MAPRE2: variants seen among roughly 807,000 people sequenced by gnomAD.
MAPRE2 encodes the protein microtubule-associated protein RP/EB family member 2.
MAPRE2 carries 13 observed loss-of-function variants against 43.2 expected under a neutral mutation model. The observed-to-expected ratio is 0.30, with a 90% CI of 0.20 to 0.48. MAPRE2 has a LOEUF of 0.48. MAPRE2 is among the 20% of genes least tolerant of loss of function. The pLI, the probability that MAPRE2 is intolerant of heterozygous loss-of-function variation, is 0.99. For synonymous variants in MAPRE2, 135 were observed against 148.8 expected (o/e 0.91, Z 0.68); for missense variants, 161 against 400.2 (o/e 0.40, Z 5.10).
At chr18:35,138,226 A>C (rs541593990) in intron 6 of MAPRE2, among the ~76,000 whole-genome samples, 3 of 152,256 alleles carry the variant, frequency 2.0e-5, no homozygotes, top group Middle Eastern at 3.4e-3. Flanking sequence ...TAAAGAGGGG[A>C]TCAGGGCTCT....
chr18:35,141,450 G>A lies in MAPRE2; in HGVS notation c.*1081G>A, dbSNP rs1910632255. ...GGTTCTGCAGTCTGGTGTAGACACT[G>A]GAATAACAGCACAGAAAAATCTATG... On this transcript the variant is annotated 3_prime_UTR_variant, in exon 7 of 7. Transcript: ENST00000300249. 11 of 152,126 alleles carry A rather than the reference G, an allele frequency of 7.2e-5. No individual in the cohort carries two copies. Among genetic ancestry groups the A allele is most frequent in the Admixed American group, 7.2e-4 (11 of 15,276 alleles). The allele number at this position is 152,126 out of a possible 1,614,324, so 9.4% of individuals were successfully genotyped here. A position where few individuals can be genotyped will look rare whatever the true frequency, so the allele number is the denominator to read the frequency against.
At chr18:35,115,213 C>T (rs1475859263) in intron 4 of MAPRE2, among the ~76,000 whole-genome samples, 1 of 152,130 alleles carries the variant, frequency 6.6e-6, no homozygotes, top group East Asian at 1.9e-4. Context: ...TGAATCATTG[C>T]AGCATTCATC....
At chr18:35,080,898 G>A (rs1327657229) in intron 2 of MAPRE2, among the ~76,000 whole-genome samples, 1 of 151,954 alleles carries the variant, frequency 6.6e-6, no homozygotes, top group Non-Finnish European at 1.5e-5. Context: ...TCCCAAGGGT[G>A]TGTTCTTACC....
At chr18:34,984,187 A>T (rs1438400589) in intron 1 of MAPRE2, among the ~76,000 whole-genome samples, 3 of 152,202 alleles carry the variant, frequency 2.0e-5, no homozygotes, top group African/African-American at 7.2e-5. Flanking sequence ...TCTAGAAAGG[A>T]TATTTGAAAA....
At chr18:35,007,247 G>A (rs146458346) in intron 2 of MAPRE2, among the ~76,000 whole-genome samples, 17 of 152,292 alleles carry the variant, frequency 1.1e-4, no homozygotes, top group Non-Finnish European at 2.2e-4. Flanking sequence ...TCAAGTCTGT[G>A]TTCCTGGAAA....
At chr18:34,996,791 G>A (rs2097026725) in intron 1 of MAPRE2, among the ~76,000 whole-genome samples, 1 of 152,184 alleles carries the variant, frequency 6.6e-6, no homozygotes, top group African/African-American at 2.4e-5. Flanking sequence ...GAAATGTGGT[G>A]CCCTGTTGCT....
At chr18:35,078,518 T>G (rs537902754) in intron 2 of MAPRE2, among the ~76,000 whole-genome samples, 14 of 152,268 alleles carry the variant, frequency 9.2e-5, no homozygotes, top group African/African-American at 3.1e-4. Flanking sequence ...AATAGGAATA[T>G]TTTATTCCTA....
intron 1 of MAPRE2, among the ~76,000 whole-genome samples, chr18:35,062,949 A>G (rs1174338892): frequency 6.6e-6 from 1 of 152,226 alleles, no homozygotes; most frequent in Non-Finnish European, 1.5e-5. Context: ...GTAGTGGATT[A>G]CTTTCCCCAG....
rs569507924 is a variant in MAPRE2, at chr18:35,049,072, C to T, written c.122+7411C>T. Among the ~76,000 whole-genome samples, 30 of 151,362 alleles carry T rather than the reference C, an allele frequency of 2.0e-4. No homozygotes were observed. In the South Asian group the frequency reaches 2.5e-3, roughly 13 times the overall value. ...TTTTTGTTTTGTTTTGCTTTAAAGA[C>T]ATTAATTTTTTGTTCTTTATTTAGT... On this transcript the variant is annotated intron_variant, in intron 1 of 6. Coordinates refer to ENST00000300249, the MANE Select transcript of MAPRE2 (RefSeq NM_014268.4).
At chr18:35,132,485 C>A (rs1403882205) in intron 6 of MAPRE2, among the ~76,000 whole-genome samples, 1 of 152,212 alleles carries the variant, frequency 6.6e-6, no homozygotes, top group Non-Finnish European at 1.5e-5. Flanking sequence ...GCTCTCTGAG[C>A]AAATGAGCAT....
At chr18:35,030,476 G>A (rs1184047695) in intron 2 of MAPRE2, among the ~76,000 whole-genome samples, 1 of 152,206 alleles carries the variant, frequency 6.6e-6, no homozygotes, top group Non-Finnish European at 1.5e-5. Context: ...TTTGTGCTCA[G>A]CTCTGCCACT....
intron 4 of MAPRE2, among the ~76,000 whole-genome samples, chr18:35,118,999 T>A (rs192267762): frequency 7.2e-4 from 110 of 152,314 alleles, no homozygotes; most frequent in Middle Eastern, 3.4e-3. Context: ...GCAACTGGCA[T>A]GTTCCCTGCA....
Position 35,132,025 on chromosome 18 carries a change from C to A in MAPRE2, c.751-7C>A, listed in dbSNP as rs771829050. ...GGTTTTTTTTCTTCACTCTCACTCCCTTGCAGGTACATTCATTAAAACTTG... is the reference window on the plus strand; with the variant it reads ...GGTTTTTTTTCTTCACTCTCACTCCATTGCAGGTACATTCATTAAAACTTG... On this transcript the variant is annotated splice_polypyrimidine_tract_variant and splice_region_variant and intron_variant, in intron 5 of 6. Transcript: ENST00000300249. 3.7e-6 allele frequency: 6 copies of A among 1,613,990 alleles called. No individual in the cohort carries two copies. The South Asian group carries it at 6.6e-5, about 18-fold the overall frequency.
chr18:35,041,617 C>G lies in MAPRE2; in HGVS notation c.78C>G (p.Ile26Met). The change falls in exon 1 of 7, where the codon ATC (isoleucine) becomes ATG (methionine). Residue 26 changes from isoleucine to methionine, a missense_variant. Physicochemically the swap from Ile to Met is conservative, Grantham distance 10. Transcript: ENST00000300249. ...NDIIQDNNGT[I>M]IPFRKHTVRG... The stretch of plus-strand genomic sequence containing the variant: ...TCATCCAGGATAATAACGGGACCAT[C>G]ATTCCTTTCCGGAAGCACACAGTGC... The G allele has an allele frequency of 5.6e-6, 9 of 1,614,254 alleles. No individual in the cohort carries two copies. Among genetic ancestry groups the G allele is most frequent in the Non-Finnish European group, 7.6e-6 (9 of 1,180,048 alleles).
rs1304611706 is a variant in MAPRE2, at chr18:35,141,883, C to T, written c.*1514C>T. ...GAAGCTTTGAAATTTCTTTATTAAT[C>T]GATGAAATATGAATTCTAAATTCTA... On this transcript the variant is annotated 3_prime_UTR_variant, in exon 7 of 7. Transcript: ENST00000300249. The T allele has an allele frequency of 1.3e-5, 2 of 152,138 alleles. No homozygotes were observed. Among genetic ancestry groups the T allele is most frequent in the South Asian group, 2.1e-4 (1 of 4,828 alleles). 9.4% of individuals were successfully genotyped at this position (152,138 alleles called of 1,614,324 possible).
chr18:35,104,382 T>C (rs1772564221), intron 4 of MAPRE2, among the ~76,000 whole-genome samples: 1 of 152,104 alleles, frequency 6.6e-6, no homozygotes, highest in African/African-American at 2.4e-5. Context: ...TTGGTTTGTG[T>C]AGGGAAAAGA....
chr18:35,099,470 C>T (rs1908575849), intron 3 of MAPRE2, among the ~76,000 whole-genome samples: 1 of 151,972 alleles, frequency 6.6e-6, no homozygotes, highest in Admixed American at 6.6e-5. Flanking sequence ...TTTTTAATTG[C>T]CAGGTGCAGT....
At chr18:35,011,932 G>A (rs756498026) in intron 2 of MAPRE2, among the ~76,000 whole-genome samples, 7 of 151,858 alleles carry the variant, frequency 4.6e-5, no homozygotes, top group African/African-American at 1.7e-4. Flanking sequence ...GCTATTTTAT[G>A]TAGGGGGAAG....
At chr18:35,000,845 G>A (rs2150578625) in intron 1 of MAPRE2, among the ~76,000 whole-genome samples, 1 of 152,292 alleles carries the variant, frequency 6.6e-6, no homozygotes, top group East Asian at 1.9e-4. Flanking sequence ...CTCTGTGTGT[G>A]TTGGCGATTA....
Sources: gnomAD v4.1 joint callset for allele counts (sites outside exome capture counted in the v4.1 genomes callset) on GRCh38, gnomAD v4.1.1 for gene constraint, MANE v1.5 for transcripts, NCBI Gene and HGNC (gene_info 2026-07-23, HGNC 2026-07-21) for gene names.